ROR1: variants seen among roughly 807,000 people sequenced by gnomAD.
ROR1 encodes the protein inactive tyrosine-protein kinase transmembrane receptor ROR1.
A neutral mutation model predicts 78.8 loss-of-function variants in ROR1; 19 were observed. The observed-to-expected ratio is 0.24, with a 90% confidence interval of 0.17 to 0.35. ROR1 has a LOEUF of 0.35. ROR1 is among the 10% of genes least tolerant of loss of function. The probability of loss-of-function intolerance (pLI) is 1.00; values close to 1 mark genes in which losing one functional copy is unlikely to be tolerated. For synonymous variants in ROR1, 386 were observed against 433.6 expected (o/e 0.89, Z 1.36); for missense variants, 917 against 1,177.8 (o/e 0.78, Z 3.24).
chr1:64,045,147 G>A (rs150332007), intron 2 of ROR1, among the ~76,000 whole-genome samples: 6 of 152,142 alleles, frequency 3.9e-5, no homozygotes, highest in East Asian at 1.9e-4. Flanking sequence ...ACCACCTATC[G>A]AATTTTGGTG....
chr1:64,064,883 T>C (rs1036187865), intron 4 of ROR1, among the ~76,000 whole-genome samples: 3 of 152,354 alleles, frequency 2.0e-5, no homozygotes, highest in African/African-American at 7.2e-5. Context: ...AGAATATTTT[T>C]TCTTTTCTCC....
Position 63,785,773 on chromosome 1 carries a change from C to T in ROR1, c.91+11265C>T, listed in dbSNP as rs140659293. On this transcript the variant is annotated intron_variant, in intron 1 of 8. Coordinates refer to ENST00000371079, the MANE Select transcript of ROR1 (RefSeq NM_005012.4). ...ACTCCTGACCTCAAGTGATCTGCCC[C>T]GCTCAGCTTCCCAAAGTGCTGGGAT... Among the ~76,000 whole-genome samples, 159 of 152,104 alleles carry T rather than the reference C, an allele frequency of 1.0e-3. 1 individual carries two copies. The East Asian group carries it at 0.028, about 26-fold the overall frequency.
intron 1 of ROR1, among the ~76,000 whole-genome samples, chr1:63,814,897 C>T (rs994691851): frequency 6.6e-6 from 1 of 152,188 alleles, no homozygotes; most frequent in African/African-American, 2.4e-5. Context: ...GTGGCCAGTG[C>T]TTTTCATAGC....
intron 2 of ROR1, among the ~76,000 whole-genome samples, chr1:64,010,673 G>A (rs1186304093): frequency 6.6e-6 from 1 of 152,106 alleles, no homozygotes; most frequent in Non-Finnish European, 1.5e-5. Flanking sequence ...ATCTCATCTT[G>A]AATTGTAGTT....
chr1:63,845,744 C>T (rs1158270240), intron 1 of ROR1, among the ~76,000 whole-genome samples: 1 of 152,146 alleles, frequency 6.6e-6, no homozygotes, highest in Non-Finnish European at 1.5e-5. Flanking sequence ...ATAGTAACTT[C>T]CAACTTTTGG....
intron 6 of ROR1, among the ~76,000 whole-genome samples, chr1:64,141,177 T>G (rs955003518): frequency 6.6e-6 from 1 of 152,164 alleles, no homozygotes; most frequent in Non-Finnish European, 1.5e-5. Flanking sequence ...TAATGGTAAG[T>G]GTATTATAGC....
rs189490053 is a variant in ROR1 at position 64,020,283 on chromosome 1, A to G, written c.163+10907A>G. Among the ~76,000 whole-genome samples, 34 of 152,346 alleles carry G rather than the reference A, an allele frequency of 2.2e-4. 1 individual carries two copies. The East Asian group carries it at 5.0e-3, about 22-fold the overall frequency. ...AGCAGTGAACCCAGAATTCAAACCC[A>G]TGTTCTTAATCAATATATTATGTTG... On this transcript the variant is annotated intron_variant, in intron 2 of 8. Transcript: ENST00000371079.
At chr1:63,797,955 T>G (rs528995694) in intron 1 of ROR1, among the ~76,000 whole-genome samples, 40 of 152,200 alleles carry the variant, frequency 2.6e-4, no homozygotes, top group African/African-American at 8.9e-4. Context: ...ACATAATCAT[T>G]GGAAGCCATA....
At chr1:64,130,124 C>G (rs1246460342) in intron 4 of ROR1, among the ~76,000 whole-genome samples, 1 of 152,134 alleles carries the variant, frequency 6.6e-6, no homozygotes, top group Non-Finnish European at 1.5e-5. Flanking sequence ...GATGTGGGAA[C>G]CAGCATGTGA....
At chr1:64,023,163 C>A (rs1379099193) in intron 2 of ROR1, among the ~76,000 whole-genome samples, 2 of 152,080 alleles carry the variant, frequency 1.3e-5, no homozygotes, top group Non-Finnish European at 1.5e-5. Flanking sequence ...CCTGGGTAGA[C>A]CTTGAGATAC....
In ROR1 at chr1:63,886,247, C is replaced by T. The variant is rs549934834; in HGVS notation, c.91+111739C>T. Among the ~76,000 whole-genome samples, 4 of 152,298 alleles carry T rather than the reference C, an allele frequency of 2.6e-5. No individual in the cohort carries two copies. The East Asian group carries it at 7.7e-4, about 29-fold the overall frequency. On this transcript the variant is annotated intron_variant, in intron 1 of 8. Transcript: ENST00000371079. ...CTTTGGTCACTCTCCCACCGCTCAC[C>T]TCCTGCTGTGCAACCCCGTTCCTAA... is the stretch of plus-strand genomic sequence containing the variant.
chr1:64,142,329 A>G, intron 6 of ROR1, 76 bp from the exon 7 acceptor site: 1 of 1,572,958 alleles, frequency 6.4e-7, no homozygotes, highest in Non-Finnish European at 8.6e-7. Flanking sequence ...TCCCCTCCAG[A>G]AACTGCTGGC....
At chr1:63,782,555 TTG>T (rs66506860) in intron 1 of ROR1, among the ~76,000 whole-genome samples, 21,640 of 139,754 alleles carry the variant, frequency 0.15, 1,986 homozygotes, top group African/African-American at 0.31. Context: ...TTTTTTTTTT[TTG>T]TTTTTTTTTT....
chr1:63,836,469 C>T (rs1319330738), intron 1 of ROR1, among the ~76,000 whole-genome samples: 2 of 152,082 alleles, frequency 1.3e-5, no homozygotes, highest in African/African-American at 2.4e-5. Flanking sequence ...TTCCTATACC[C>T]AGTTTCTTAA....
intron 2 of ROR1, among the ~76,000 whole-genome samples, chr1:64,011,153 G>A (rs1646471423): frequency 6.6e-6 from 1 of 152,042 alleles, no homozygotes; most frequent in South Asian, 2.1e-4. Context: ...TAAATCAAAG[G>A]ACATTTAGAA....
chr1:63,969,588 C>T (rs1646102501), intron 1 of ROR1, among the ~76,000 whole-genome samples: 1 of 152,060 alleles, frequency 6.6e-6, no homozygotes, highest in Non-Finnish European at 1.5e-5. Flanking sequence ...CTGGCTTCTC[C>T]TGTGTTTCCT....
At chr1:63,788,762 C>A in intron 1 of ROR1, 1 of 507,920 alleles carries the variant, frequency 2.0e-6, no homozygotes, top group East Asian at 4.3e-5. Context: ...ATGATTTCCT[C>A]CTTCTTGACC....
intron 1 of ROR1, among the ~76,000 whole-genome samples, chr1:63,993,065 G>T (rs1216855608): frequency 6.6e-6 from 1 of 152,158 alleles, no homozygotes; most frequent in Non-Finnish European, 1.5e-5. Context: ...GACATGCAGC[G>T]ATACCTAAGT....
chr1:64,131,263 A>G (rs988639546), intron 4 of ROR1, among the ~76,000 whole-genome samples: 1 of 152,056 alleles, frequency 6.6e-6, no homozygotes, highest in African/African-American at 2.4e-5. Context: ...ATAAATTCAG[A>G]GGTCAGAGGT....
Sources: gnomAD v4.1 joint callset for allele counts (sites outside exome capture counted in the v4.1 genomes callset) on GRCh38, gnomAD v4.1.1 for gene constraint, MANE v1.5 for transcripts, NCBI Gene and HGNC (gene_info 2026-07-23, HGNC 2026-07-21) for gene names.